Variants in SLC44A5 observed in about 807,000 individuals in gnomAD.
SLC44A5 encodes choline transporter-like protein 5.
Under a neutral mutation model 101.8 loss-of-function variants are expected in SLC44A5, and 57 were observed. The ratio of observed to expected loss-of-function variants is 0.56; its 90% CI spans 0.45 to 0.70. The LOEUF is 0.70. SLC44A5 is among the 30% of genes least tolerant of loss of function. The probability of loss-of-function intolerance (pLI) is 0.00; values close to 1 mark genes in which losing one functional copy is unlikely to be tolerated. For synonymous variants in SLC44A5, 281 were observed against 290.9 expected, an observed-to-expected ratio of 0.97 and a Z score of 0.35; for missense variants, 737 against 853.1, an observed-to-expected ratio of 0.86 and a Z score of 1.70.
chr1:75,265,991 T>C (rs998637151), intron 6 of SLC44A5, among the ~76,000 whole-genome samples: 31 of 152,150 alleles, frequency 2.0e-4, no homozygotes, highest in African/African-American at 7.2e-4. Flanking sequence ...GCAGAGAAAG[T>C]TACACACAAC....
chr1:75,379,079 G>A lies in SLC44A5; in HGVS notation c.52+17504C>T, dbSNP rs1323807968. On this transcript the variant is annotated intron_variant, in intron 3 of 23. Coordinates refer to ENST00000370859, the MANE Select transcript of SLC44A5 (RefSeq NM_001130058.2). ...AGAACCAATGCCACCTGGAGAAGGA[G>A]CCCAAGAGGGAGAGCCTCCCACAGT... Among the ~76,000 whole-genome samples the A allele has an allele frequency of 6.4e-5, 5 of 78,738 alleles. 2 individuals are homozygous for A. The highest frequency in any genetic ancestry group is 1.8e-4 in the African/African-American group (2 of 10,818). 51.7% of individuals were successfully genotyped at this position (78,738 alleles called of 152,430 possible). A position where few individuals can be genotyped will look rare whatever the true frequency, so the allele number is the denominator to read the frequency against.
rs375118786 is a variant in SLC44A5 at position 75,464,388 on chromosome 1, T to C, written c.14-67767A>G. ...TATAAGATAGTATTTGCAAGCCTCATGGTAACCTCAAACCAGAAAACATAC... is the reference window on the plus strand; with the variant it reads ...TATAAGATAGTATTTGCAAGCCTCACGGTAACCTCAAACCAGAAAACATAC... On this transcript the variant is annotated intron_variant, in intron 2 of 23. Coordinates refer to ENST00000370859, the MANE Select transcript of SLC44A5 (RefSeq NM_001130058.2). Among the ~76,000 whole-genome samples the C allele has an allele frequency of 2.6e-4, 40 of 151,832 alleles. No individual in the cohort carries two copies. In the South Asian group the frequency reaches 8.1e-3, roughly 31 times the overall value.
chr1:75,251,171 G>C (rs767400345), intron 7 of SLC44A5, 39 bp downstream of exon 7: 8 of 1,470,424 alleles, frequency 5.4e-6, no homozygotes, highest in African/African-American at 1.4e-5. Flanking sequence ...AGAATGTTCA[G>C]AACGGCTGAC....
intron 3 of SLC44A5, among the ~76,000 whole-genome samples, chr1:75,356,421 T>A (rs1331972894): frequency 2.0e-5 from 3 of 151,614 alleles, no homozygotes; most frequent in Non-Finnish European, 2.9e-5. Context: ...GTTTAAAAAT[T>A]AAAAAATATA....
At chr1:75,637,814 T>C in the SLC44A5 span, among the ~76,000 whole-genome samples, 1 of 151,928 alleles carries the variant, frequency 6.6e-6, no homozygotes, top group Admixed American at 6.6e-5. Context: ...TTATAAGAAT[T>C]GAAACATGGG....
At chr1:75,480,437 C>G (rs1285889363) in intron 2 of SLC44A5, among the ~76,000 whole-genome samples, 3 of 152,086 alleles carry the variant, frequency 2.0e-5, no homozygotes, top group Non-Finnish European at 4.4e-5. Context: ...AAAGGGTATT[C>G]GATTAGGAAA....
intron 3 of SLC44A5, among the ~76,000 whole-genome samples, chr1:75,346,433 G>A (rs184697999): frequency 6.6e-6 from 1 of 152,148 alleles, no homozygotes; most frequent in African/African-American, 2.4e-5. Context: ...CACCTCAAAA[G>A]AAAAAATATA....
intron 2 of SLC44A5, among the ~76,000 whole-genome samples, chr1:75,414,984 G>T (rs531859819): frequency 1.1e-4 from 17 of 152,326 alleles, no homozygotes; most frequent in Admixed American, 3.3e-4. Flanking sequence ...TATTCTGGCT[G>T]CAGTGTGGAG....
chr1:75,217,797 C>A, intron 18 of SLC44A5, 69 bp downstream of exon 18: 1 of 975,984 alleles, frequency 1.0e-6, no homozygotes, highest in South Asian at 1.3e-5. Flanking sequence ...AAGTTATAAT[C>A]ATCAGGTCTC....
intron 1 of SLC44A5, among the ~76,000 whole-genome samples, chr1:75,594,041 C>A (rs1265997209): frequency 1.3e-5 from 2 of 151,892 alleles, no homozygotes; most frequent in African/African-American, 4.8e-5. Flanking sequence ...AAGATGAATA[C>A]CCTATTCTTC....
At chr1:75,514,395 G>A (rs754537731) in intron 2 of SLC44A5, among the ~76,000 whole-genome samples, 34 of 152,284 alleles carry the variant, frequency 2.2e-4, no homozygotes, top group Non-Finnish European at 4.4e-4. Flanking sequence ...TTCCAGATGA[G>A]TCAGTGCGGT....
intron 4 of SLC44A5, among the ~76,000 whole-genome samples, chr1:75,322,326 G>A (rs1656223374): frequency 1.3e-5 from 2 of 151,656 alleles, no homozygotes; most frequent in South Asian, 4.2e-4. Context: ...AAAGAGCATG[G>A]TTTACAATGA....
At chr1:75,697,827 T>C in the SLC44A5 span, among the ~76,000 whole-genome samples, 3 of 152,158 alleles carry the variant, frequency 2.0e-5, no homozygotes, top group Non-Finnish European at 2.9e-5. Flanking sequence ...GGGCGAGGCA[T>C]TGCCTCACTC....
At chr1:75,278,772 A>G (rs981290291) in intron 5 of SLC44A5, among the ~76,000 whole-genome samples, 1 of 152,144 alleles carries the variant, frequency 6.6e-6, no homozygotes, top group African/African-American at 2.4e-5. Context: ...CAAATACAAC[A>G]AGTGGTGTGT....
At chr1:75,436,186 TG>T (rs1416618491) in intron 2 of SLC44A5, among the ~76,000 whole-genome samples, 3 of 152,112 alleles carry the variant, frequency 2.0e-5, no homozygotes, top group African/African-American at 7.2e-5. Context: ...ATCTAAATTA[TG>T]TGTGTGTGTA....
chr1:75,454,762 C>A (rs1006628717), intron 2 of SLC44A5, among the ~76,000 whole-genome samples: 1 of 151,750 alleles, frequency 6.6e-6, no homozygotes, highest in African/African-American at 2.4e-5. Context: ...AAGCTGAGAG[C>A]CAAATCAGGA....
intron 3 of SLC44A5, among the ~76,000 whole-genome samples, chr1:75,351,232 A>G (rs1294024897): frequency 1.3e-5 from 2 of 152,060 alleles, no homozygotes; most frequent in Admixed American, 1.3e-4. Context: ...ACAAGGAGAA[A>G]GAGACATAAT....
chr1:75,479,011 C>A (rs148785972), intron 2 of SLC44A5, among the ~76,000 whole-genome samples: 3 of 152,304 alleles, frequency 2.0e-5, no homozygotes, highest in African/African-American at 4.8e-5. Context: ...GTAAAGCTGT[C>A]CTCAGCAAAT....
At chr1:75,634,739 G>A in the SLC44A5 span, among the ~76,000 whole-genome samples, 1 of 151,496 alleles carries the variant, frequency 6.6e-6, no homozygotes, top group South Asian at 2.1e-4. Context: ...TTACCATTCA[G>A]GACATAGGCA....
Sources: gnomAD v4.1 joint callset for allele counts (sites outside exome capture counted in the v4.1 genomes callset) on GRCh38, gnomAD v4.1.1 for gene constraint, MANE v1.5 for transcripts, NCBI Gene and HGNC (gene_info 2026-07-23, HGNC 2026-07-21) for gene names.